The following JMJD1C variants were observed in gnomAD, a reference collection of about 807,000 sequenced individuals.
The protein encoded by JMJD1C is jumonji domain-containing protein 1C.
In JMJD1C, 31 loss-of-function variants were observed where a neutral mutation model predicts 245.3. The ratio of observed to expected loss-of-function variants is 0.13; its 90% confidence interval spans 0.09 to 0.17. The LOEUF is 0.17. JMJD1C is among the 10% of genes least tolerant of loss of function. JMJD1C has a pLI of 1.00. For synonymous variants in JMJD1C, 1,057 were observed against 1,017.4 expected (o/e 1.04, Z -0.74); for missense variants, 2,691 against 3,000.2 (o/e 0.90, Z 2.41).
At chr10:63,439,779 T>C (rs1951261296) in intron 1 of JMJD1C, among the ~76,000 whole-genome samples, 1 of 152,240 alleles carries the variant, frequency 6.6e-6, no homozygotes, top group Non-Finnish European at 1.5e-5. Context: ...GTCACTTATA[T>C]GTCATGAAGT....
At chr10:63,306,662 C>T (rs752930176) in intron 2 of JMJD1C, among the ~76,000 whole-genome samples, 4 of 152,104 alleles carry the variant, frequency 2.6e-5, no homozygotes, top group Non-Finnish European at 4.4e-5. Flanking sequence ...TATATAAGTA[C>T]AATGACCTTA....
intron 22 of JMJD1C, among the ~76,000 whole-genome samples, chr10:63,180,111 G>A (rs982642887): frequency 1.9e-4 from 29 of 151,790 alleles, no homozygotes; most frequent in African/African-American, 2.4e-5. Context: ...AGGTTCAAGC[G>A]ATTCTCCTGT....
intron 18 of JMJD1C, among the ~76,000 whole-genome samples, chr10:63,188,813 A>T (rs771289210): frequency 6.6e-6 from 1 of 152,216 alleles, no homozygotes; most frequent in Non-Finnish European, 1.5e-5. Flanking sequence ...GCCAATATTA[A>T]TATTTTAATA....
In JMJD1C at chr10:63,208,117, C is replaced by T. The variant is rs1208322503; in HGVS notation, c.3552G>A (p.Arg1184=). The part of the protein sequence containing the change: ...HSVTTFRNDC[R]SPTHLTVSST... ...AAGAAACTGTCAAATGGGTAGGACT[C>T]CTACAATCATTTCTGAAGGTTGTTA... The change falls in exon 10 of 26, where the codon AGG becomes AGA. Residue 1184 remains arginine (R), a synonymous_variant. Transcript: ENST00000399262. The T allele has an allele frequency of 1.2e-6, 2 of 1,614,112 alleles. No homozygotes were observed. Among genetic ancestry groups the T allele is most frequent in the South Asian group, 1.1e-5 (1 of 91,076 alleles).
chr10:63,188,952 A>G (rs1844446985), intron 18 of JMJD1C, among the ~76,000 whole-genome samples: 1 of 152,174 alleles, frequency 6.6e-6, no homozygotes, highest in African/African-American at 2.4e-5. Flanking sequence ...AAAATAATCA[A>G]CGTTTCCCTA....
intron 3 of JMJD1C, among the ~76,000 whole-genome samples, chr10:63,251,801 C>T (rs946062405): frequency 2.0e-5 from 3 of 152,124 alleles, no homozygotes; most frequent in Non-Finnish European, 4.4e-5. Context: ...ATCACAAGGT[C>T]AGGAGTTCAA....
chr10:63,270,473 C>CTTTTT (rs538368803), intron 2 of JMJD1C, among the ~76,000 whole-genome samples: 1 of 145,226 alleles, frequency 6.9e-6, no homozygotes, highest in Non-Finnish European at 1.5e-5. Flanking sequence ...CCAGCCTCTT[C>CTTTTT]TTTTTTTTTT....
chr10:63,492,676 A>C (rs1954214686), intron 1 of JMJD1C, among the ~76,000 whole-genome samples: 1 of 152,150 alleles, frequency 6.6e-6, no homozygotes, highest in Non-Finnish European at 1.5e-5. Context: ...CTCTGTCTCA[A>C]AACAATATAA....
intron 2 of JMJD1C, among the ~76,000 whole-genome samples, chr10:63,317,538 C>T: frequency 6.6e-6 from 1 of 151,394 alleles, no homozygotes; most frequent in African/African-American, 2.4e-5. Context: ...AAGCCTACTA[C>T]ACACACACAC....
At chr10:63,375,193 T>TTTG (rs1946631804) in intron 2 of JMJD1C, among the ~76,000 whole-genome samples, 1 of 145,358 alleles carries the variant, frequency 6.9e-6, no homozygotes, top group African/African-American at 2.5e-5. Context: ...CTTTTTTTTT[T>TTTG]TTTTTTTTTT....
At chr10:63,291,837 A>C (rs900630053) in intron 2 of JMJD1C, among the ~76,000 whole-genome samples, 1 of 152,092 alleles carries the variant, frequency 6.6e-6, no homozygotes, top group African/African-American at 2.4e-5. Flanking sequence ...GTTTACAACT[A>C]ATCTTTTATT....
chr10:63,419,634 A>C (rs1462804751), intron 1 of JMJD1C, among the ~76,000 whole-genome samples: 1 of 152,056 alleles, frequency 6.6e-6, no homozygotes, highest in Non-Finnish European at 1.5e-5. Flanking sequence ...AAAGACCCTG[A>C]TTGAGTTAGA....
intron 1 of JMJD1C, among the ~76,000 whole-genome samples, chr10:63,425,029 C>G (rs780361287): frequency 2.0e-5 from 3 of 152,156 alleles, no homozygotes. Context: ...ATAATTTCTA[C>G]TCTATTACAC....
chr10:63,231,139 C>A lies in JMJD1C; in HGVS notation c.448-11156G>T, dbSNP rs561768017. Among the ~76,000 whole-genome samples, 5 of 152,248 alleles carry A rather than the reference C, an allele frequency of 3.3e-5. No homozygotes were observed. The South Asian group carries it at 1.0e-3, about 32-fold the overall frequency. ...CACTATTTACACACCAACACTCCCC[C>A]CTCAAGAAAAAACCTTAAACTATGC... On this transcript the variant is annotated intron_variant, in intron 3 of 25. Transcript: ENST00000399262.
chr10:63,242,037 C>A (rs1851543082), intron 3 of JMJD1C, among the ~76,000 whole-genome samples: 2 of 152,058 alleles, frequency 1.3e-5, no homozygotes, highest in African/African-American at 2.4e-5. Flanking sequence ...GGAGAAAGAT[C>A]ATCTATTAAG....
rs973711365 is a variant in JMJD1C at position 63,344,294 on chromosome 10, A to G, written c.333+36024T>C. ...CACAAAAACTTACCATTGTGTTACA[A>G]TTGCCTAAAATATTCAGTACAGTAA... is the stretch of plus-strand genomic sequence containing the variant. On this transcript the variant is annotated intron_variant, in intron 2 of 25. Transcript: ENST00000399262. 5.9e-5 allele frequency among the ~76,000 whole-genome samples: 9 copies of G among 152,252 alleles called. No homozygotes were observed. The South Asian group carries it at 1.5e-3, about 25-fold the overall frequency.
At chr10:63,472,516 G>A (rs1035588864) in intron 1 of JMJD1C, among the ~76,000 whole-genome samples, 1 of 152,056 alleles carries the variant, frequency 6.6e-6, no homozygotes, top group African/African-American at 2.4e-5. Flanking sequence ...ATTTTTAGTA[G>A]AGACGGGGTT....
At chr10:63,438,188 A>T (rs1242172154) in intron 1 of JMJD1C, among the ~76,000 whole-genome samples, 1 of 151,716 alleles carries the variant, frequency 6.6e-6, no homozygotes, top group African/African-American at 2.4e-5. Context: ...TATCACCACC[A>T]CTCTCCAAAA....
At chr10:63,217,857 T>G (rs1408454975) in intron 4 of JMJD1C, 1 of 152,102 alleles carries the variant, frequency 6.6e-6, no homozygotes, top group Non-Finnish European at 1.5e-5. Context: ...CACTAAAAAT[T>G]TTTAACGAAA....
Sources: allele counts gnomAD v4.1 joint callset (sites outside exome capture counted in the v4.1 genomes callset), GRCh38; gene constraint gnomAD v4.1.1; transcripts MANE v1.5; gene names NCBI Gene and HGNC (gene_info 2026-07-23, HGNC 2026-07-21).